ADAMTSL1: variants seen among roughly 807,000 people sequenced by gnomAD.
ADAMTSL1 encodes the protein ADAMTS like 1.
ADAMTSL1 carries 126 observed loss-of-function variants against 201.8 expected under a neutral mutation model. The observed-to-expected ratio is 0.62, with a 90% CI of 0.54 to 0.72. The LOEUF is 0.72. Among genes scored for constraint, ADAMTSL1 ranks in the 30% least tolerant of loss-of-function variants. The pLI is 0.00. For missense variants in ADAMTSL1, 2,679 were observed against 2,277.8 expected (o/e 1.18, Z -3.59); for synonymous variants, 1,121 against 903.4 (o/e 1.24, Z -4.32).
chr9:18,365,262 A>G (rs764622608), intron 2 of ADAMTSL1, among the ~76,000 whole-genome samples: 5 of 152,224 alleles, frequency 3.3e-5, no homozygotes, highest in Non-Finnish European at 7.3e-5. Context: ...AGATGTACTT[A>G]TCGACATCAT....
chr9:18,286,515 G>A (rs1211014826), intron 2 of ADAMTSL1, among the ~76,000 whole-genome samples: 3 of 152,122 alleles, frequency 2.0e-5, no homozygotes, highest in Admixed American at 6.6e-5. Flanking sequence ...GTAATAAACA[G>A]AACTTGCATC....
At chr9:18,737,302 A>G (rs1334302960) in intron 15 of ADAMTSL1, among the ~76,000 whole-genome samples, 1 of 139,828 alleles carries the variant, frequency 7.2e-6, no homozygotes, top group Non-Finnish European at 1.5e-5. Context: ...CTGCCCAACA[A>G]GAGTGAAACT....
In ADAMTSL1 at chr9:18,652,895, A is replaced by G. The variant is rs1271443148; in HGVS notation, c.835-4744A>G. 3.9e-5 allele frequency among the ~76,000 whole-genome samples: 6 copies of G among 152,264 alleles called. No individual in the cohort carries two copies. The South Asian group carries it at 6.2e-4, about 16-fold the overall frequency. ...CAGCCTGTTTCTAGACAGTCTCCCCATTTCAGTCAACCCATGCTTATAAAA... is the reference window on the plus strand; with the variant it reads ...CAGCCTGTTTCTAGACAGTCTCCCCGTTTCAGTCAACCCATGCTTATAAAA... On this transcript the variant is annotated intron_variant, in intron 7 of 28. Transcript: ENST00000380548.
intron 2 of ADAMTSL1, among the ~76,000 whole-genome samples, chr9:18,517,665 A>G (rs201558576): frequency 5.6e-4 from 84 of 149,606 alleles, no homozygotes; most frequent in African/African-American, 5.9e-4. Flanking sequence ...GAGATTATGC[A>G]GTGTTTGGTT....
At chr9:18,488,936 G>A (rs1411349881) in intron 1 of ADAMTSL1, among the ~76,000 whole-genome samples, 5 of 152,138 alleles carry the variant, frequency 3.3e-5, no homozygotes, top group Admixed American at 2.6e-4. Context: ...AAAGATAAAA[G>A]TTGGTTCAAG....
chr9:18,599,996 C>CAAAAAAA (rs57914274), intron 4 of ADAMTSL1, among the ~76,000 whole-genome samples: 518 of 86,880 alleles, frequency 6.0e-3, no homozygotes, highest in East Asian at 0.012. Flanking sequence ...ACTAAAAATA[C>CAAAAAAA]AAAAAAAAAA....
intron 3 of ADAMTSL1, among the ~76,000 whole-genome samples, chr9:18,572,053 G>T (rs1361188366): frequency 1.3e-5 from 2 of 152,044 alleles, no homozygotes; most frequent in Non-Finnish European, 2.9e-5. Flanking sequence ...AAATGAGCTG[G>T]GTGTGGGGGC....
At chr9:17,939,273 G>T (rs1056155767) in intron 1 of ADAMTSL1, among the ~76,000 whole-genome samples, 2 of 142,962 alleles carry the variant, frequency 1.4e-5, no homozygotes, top group African/African-American at 5.3e-5. Flanking sequence ...ACCTAACCTT[G>T]CAAAGCCTCC....
rs141098259 is a variant in ADAMTSL1, at chr9:18,743,441, G to T, written c.2007-9857G>T. On this transcript the variant is annotated intron_variant, in intron 15 of 28. Transcript: ENST00000380548. Reference sequence around the variant, plus strand: ...ATTTACAAAATAGCAAAGACGGTTTGACAAGAGTCATATGTAATGTTGGTA... The same window carrying T: ...ATTTACAAAATAGCAAAGACGGTTTTACAAGAGTCATATGTAATGTTGGTA... 7.2e-4 allele frequency among the ~76,000 whole-genome samples: 109 copies of T among 152,294 alleles called. 1 individual carries two copies. Among genetic ancestry groups the T allele is most frequent in the African/African-American group, 2.5e-3 (103 of 41,564 alleles).
Position 18,908,425 on chromosome 9 carries a change from C to A in ADAMTSL1, c.5183-17C>A. 1 of 1,548,490 alleles carries A rather than the reference C, an allele frequency of 6.5e-7. No individual in the cohort carries two copies. The highest frequency in any genetic ancestry group is 8.7e-7 in the Non-Finnish European group (1 of 1,143,616). On this transcript the variant is annotated splice_polypyrimidine_tract_variant and intron_variant, in intron 28 of 28. Coordinates refer to ENST00000380548, the MANE Select transcript of ADAMTSL1 (RefSeq NM_001040272.6). ...CTCTTTTCTGTCTCCTCTCCCGACC[C>A]CGTCCTCCTTTCCCAGTGGAGTGCA...
At chr9:18,557,266 G>T (rs1166071476) in intron 3 of ADAMTSL1, among the ~76,000 whole-genome samples, 2 of 151,974 alleles carry the variant, frequency 1.3e-5, no homozygotes, top group Non-Finnish European at 2.9e-5. Flanking sequence ...ACCCAGAGAG[G>T]AATCTGGGTG....
intron 1 of ADAMTSL1, among the ~76,000 whole-genome samples, chr9:18,032,012 A>G (rs999297265): frequency 6.6e-6 from 1 of 152,180 alleles, no homozygotes; most frequent in African/African-American, 2.4e-5. Context: ...CATGCTTTTC[A>G]GACTGGGTCT....
intron 9 of ADAMTSL1, among the ~76,000 whole-genome samples, chr9:18,664,814 A>G (rs1196655381): frequency 6.6e-6 from 1 of 152,034 alleles, no homozygotes; most frequent in African/African-American, 2.4e-5. Flanking sequence ...CACCCACCGA[A>G]TGGGAAGAGA....
intron 4 of ADAMTSL1, among the ~76,000 whole-genome samples, chr9:18,585,614 T>A (rs1326470470): frequency 6.6e-6 from 1 of 152,086 alleles, no homozygotes; most frequent in African/African-American, 2.4e-5. Context: ...ACCAGCACCA[T>A]CCTGATACCA....
At chr9:18,420,999 C>T (rs1269124375) in intron 2 of ADAMTSL1, among the ~76,000 whole-genome samples, 1 of 152,050 alleles carries the variant, frequency 6.6e-6, no homozygotes, top group African/African-American at 2.4e-5. Context: ...TAAGCAGAGG[C>T]TGAGGAAGAA....
At chr9:18,528,382 A>AC (rs1297293685) in intron 2 of ADAMTSL1, among the ~76,000 whole-genome samples, 1 of 151,648 alleles carries the variant, frequency 6.6e-6, no homozygotes, top group Non-Finnish European at 1.5e-5. Flanking sequence ...GTGTGTTGTT[A>AC]CCCCCATGTA....
At chr9:18,756,228 G>A (rs1034350249) in intron 16 of ADAMTSL1, among the ~76,000 whole-genome samples, 11 of 127,558 alleles carry the variant, frequency 8.6e-5, no homozygotes, top group Non-Finnish European at 1.6e-4. Context: ...GCAGTGAGCC[G>A]AGATTGCACC....
intron 2 of ADAMTSL1, among the ~76,000 whole-genome samples, chr9:18,429,086 A>G (rs562041866): frequency 6.5e-4 from 99 of 152,304 alleles, no homozygotes; most frequent in South Asian, 2.5e-3. Flanking sequence ...TGCTATTTTC[A>G]TTAGTTCATA....
chr9:18,385,602 T>C (rs2133200685), intron 2 of ADAMTSL1, among the ~76,000 whole-genome samples: 1 of 152,346 alleles, frequency 6.6e-6, no homozygotes, highest in Middle Eastern at 3.4e-3. Context: ...ACCTTTTCCA[T>C]ACAAGAGTTC....
Sources: gnomAD v4.1 joint callset for allele counts (sites outside exome capture counted in the v4.1 genomes callset) on GRCh38, gnomAD v4.1.1 for gene constraint, MANE v1.5 for transcripts, NCBI Gene and HGNC (gene_info 2026-07-23, HGNC 2026-07-21) for gene names.